VPS13D: variants seen among roughly 807,000 people sequenced by gnomAD.
The protein encoded by VPS13D is intermembrane lipid transfer protein VPS13D.
VPS13D carries 187 observed loss-of-function variants against 461.9 expected under a neutral mutation model. The observed-to-expected ratio is 0.40, with a 90% CI of 0.36 to 0.46. The LOEUF (loss-of-function observed/expected upper bound fraction) is 0.46. Among genes scored for constraint, VPS13D ranks in the 20% least tolerant of loss-of-function variants. The probability of loss-of-function intolerance (pLI) is 0.60; values close to 1 mark genes in which losing one functional copy is unlikely to be tolerated. For synonymous variants in VPS13D, 1,951 were observed against 1,986.3 expected (o/e 0.98, Z 0.47); for missense variants, 4,711 against 5,364.9 (o/e 0.88, Z 3.81).
At chr1:12,314,451 T>A in intron 30 of VPS13D, 124 bp downstream of exon 30, 1 of 919,160 alleles carries the variant, frequency 1.1e-6, no homozygotes, top group Non-Finnish European at 1.7e-6. Flanking sequence ...GATAATGGCT[T>A]AATCAGTGCA....
In VPS13D at chr1:12,342,943, G is replaced by A. The variant is rs770461041; in HGVS notation, c.8777G>A (p.Gly2926Glu). 2.5e-6 allele frequency: 4 copies of A among 1,613,532 alleles called. No homozygotes were observed. The Admixed American group carries it at 6.7e-5, about 27-fold the overall frequency. Residue 2926 changes from glycine (G) to glutamate (E), a missense_variant, in exon 42 of 70, where the codon GGG (glycine) becomes GAG (glutamate). Physicochemically the swap from Gly to Glu is moderately conservative, Grantham distance 98 (BLOSUM62 -2). Transcript: ENST00000620676. ...GGGAGTCCAGGGGTAGTTCCAGAAG[G>A]GAACGGAACATTTCTCGATGATACT... The part of the protein sequence containing the change: ...HSGSPGVVPE[G>E]NGTFLDDTHN...
intron 13 of VPS13D, among the ~76,000 whole-genome samples, chr1:12,263,793 GA>G (rs1641186819): frequency 6.6e-6 from 1 of 152,180 alleles, no homozygotes; most frequent in African/African-American, 2.4e-5. Context: ...GAACTGAATT[GA>G]AAAGGCACTA....
intron 67 of VPS13D, among the ~76,000 whole-genome samples, chr1:12,471,471 C>A (rs1645561810): frequency 6.6e-6 from 1 of 152,218 alleles, no homozygotes; most frequent in Non-Finnish European, 1.5e-5. Flanking sequence ...TCCTGCCCTA[C>A]CTTTCCCTGA....
intron 63 of VPS13D, among the ~76,000 whole-genome samples, chr1:12,404,183 C>T (rs1440971976): frequency 2.9e-5 from 4 of 138,474 alleles, no homozygotes; most frequent in East Asian, 2.1e-4. Flanking sequence ...AAAAAAAAAA[C>T]GAAACTTAAA....
chr1:12,369,534 C>T lies in VPS13D; in HGVS notation c.10640C>T (p.Thr3547Ile), dbSNP rs375936831. The change falls in exon 54 of 70, where the codon ACT becomes ATT. Residue 3547 changes from threonine to isoleucine, a missense_variant. By Grantham distance (89) the Thr-to-Ile change is moderately conservative (BLOSUM62 -1). Transcript: ENST00000620676. ...CTCCGGACTGAAGTGAAGCCCATGACTTCATTGGATTATGCCTGGGACGAA... is the reference window on the plus strand; with the variant it reads ...CTCCGGACTGAAGTGAAGCCCATGATTTCATTGGATTATGCCTGGGACGAA... ...PRLRTEVKPMTSLDYAWDEPT... is the reference protein window; with the variant it reads ...PRLRTEVKPMISLDYAWDEPT... 1.9e-6 allele frequency: 3 copies of T among 1,614,064 alleles called. No individual in the cohort carries two copies. The highest frequency in any genetic ancestry group is 2.7e-5 in the African/African-American group (2 of 74,924).
intron 67 of VPS13D, among the ~76,000 whole-genome samples, chr1:12,469,706 T>C (rs1645538680): frequency 6.6e-6 from 1 of 152,228 alleles, no homozygotes; most frequent in Non-Finnish European, 1.5e-5. Flanking sequence ...CTCCTGACTT[T>C]TACTGGGTTT....
chr1:12,235,852 G>A (rs150732908), intron 2 of VPS13D, among the ~76,000 whole-genome samples: 3,099 of 152,302 alleles, frequency 0.02, 150 homozygotes, highest in Admixed American at 0.11. Flanking sequence ...CCACTGTGAA[G>A]CTAACTACGT....
chr1:12,355,920 C>A lies in VPS13D; in HGVS notation c.9701C>A (p.Pro3234His), dbSNP rs267597963. ...IELGVSLENF[P>H]LCKELLIPPG... Reference sequence around the variant, plus strand: ...TTAGGGGTATCACTGGAGAATTTCCCCCTCTGTAAAGAATTGCTCATTCCA... The same window carrying A: ...TTAGGGGTATCACTGGAGAATTTCCACCTCTGTAAAGAATTGCTCATTCCA... Residue 3234 changes from proline to histidine, a missense_variant, in exon 48 of 70, where the codon CCC becomes CAC. By Grantham distance (77) the Pro-to-His change is moderately conservative (BLOSUM62 -2). Transcript: ENST00000620676. 1.9e-6 allele frequency: 3 copies of A among 1,590,170 alleles called. No homozygotes were observed. The Admixed American group carries it at 5.2e-5, about 27-fold the overall frequency.
intron 53 of VPS13D, 123 bp downstream of exon 53, chr1:12,368,714 G>C: frequency 8.4e-7 from 1 of 1,183,712 alleles, no homozygotes; most frequent in Non-Finnish European, 1.1e-6. Context: ...TATATGGATA[G>C]GTTCTTTATA....
intron 2 of VPS13D, among the ~76,000 whole-genome samples, chr1:12,239,692 C>T (rs1640282455): frequency 6.6e-6 from 1 of 152,160 alleles, no homozygotes; most frequent in African/African-American, 2.4e-5. Flanking sequence ...TAGGTTGACT[C>T]TTTAAATAAC....
intron 60 of VPS13D, among the ~76,000 whole-genome samples, chr1:12,393,586 G>A (rs1367665519): frequency 6.6e-6 from 1 of 152,118 alleles, no homozygotes; most frequent in Non-Finnish European, 1.5e-5. Context: ...CTTCTGCACG[G>A]GCCAAATGGA....
intron 18 of VPS13D, among the ~76,000 whole-genome samples, chr1:12,274,102 G>A (rs113669519): frequency 0.016 from 2,385 of 152,048 alleles, 65 homozygotes; most frequent in African/African-American, 0.054. Context: ...GTGTGGTGGC[G>A]CCATCTCAGG....
At chr1:12,368,673 A>G in intron 53 of VPS13D, 82 bp downstream of exon 53, 1 of 1,439,250 alleles carries the variant, frequency 6.9e-7, no homozygotes, top group Non-Finnish European at 9.2e-7. Context: ...ACAATGGTAC[A>G]ATACATTTTC....
chr1:12,461,763 G>C (rs1645415764), intron 67 of VPS13D, among the ~76,000 whole-genome samples: 1 of 152,154 alleles, frequency 6.6e-6, no homozygotes, highest in Non-Finnish European at 1.5e-5. Context: ...GATTAAAAAG[G>C]GTTCAAGGTA....
intron 46 of VPS13D, among the ~76,000 whole-genome samples, chr1:12,350,095 A>AG (rs769532245): frequency 2.4e-4 from 36 of 152,322 alleles, no homozygotes; most frequent in Admixed American, 4.6e-4. Flanking sequence ...TCAAATACAT[A>AG]GCTGGAGTTG....
At position 12,381,917 on chromosome 1, in the gene VPS13D, TTTTCTTTTC is replaced by T. The variant is rs1431114898; in HGVS notation, c.11191-1051_11191-1043del. ...GTCTGTCTTTTTTTCTTTTTCTTTCTTTTCTTTTCTTTCTTTCTTTCTTTCTTTCTTTCT... is the reference window on the plus strand; with the variant it reads ...GTCTGTCTTTTTTTCTTTTTCTTTCTTTTCTTTCTTTCTTTCTTTCTTTCT... On this transcript the variant is annotated intron_variant, in intron 57 of 69. Coordinates refer to ENST00000620676, the MANE Select transcript of VPS13D (RefSeq NM_015378.4). 1.5e-4 allele frequency among the ~76,000 whole-genome samples: 14 copies of T among 93,890 alleles called. 1 individual carries two copies. Among genetic ancestry groups the T allele is most frequent in the East Asian group, 1.3e-3 (6 of 4,546 alleles). The allele number at this position is 93,890 out of a possible 152,430, so 61.6% of individuals were successfully genotyped here.
intron 26 of VPS13D, among the ~76,000 whole-genome samples, chr1:12,307,623 A>G (rs1337969427): frequency 6.6e-6 from 1 of 151,980 alleles, no homozygotes; most frequent in Admixed American, 6.5e-5. Flanking sequence ...CCTCCTGAGT[A>G]GCTTGGATTT....
chr1:12,338,452 G>A (rs930239798), intron 40 of VPS13D, 147 bp downstream of exon 40: 2 of 667,684 alleles, frequency 3.0e-6, no homozygotes, highest in African/African-American at 3.6e-5. Flanking sequence ...ATTTCCAACT[G>A]ATGAACAGAG....
chr1:12,497,698 A>G (rs1433613638), intron 68 of VPS13D, 67 bp downstream of exon 68: 11 of 1,541,288 alleles, frequency 7.1e-6, no homozygotes, highest in Non-Finnish European at 9.6e-6. Context: ...GATCCTGAGA[A>G]GTCTCCATCT....
Sources: allele counts gnomAD v4.1 joint callset (sites outside exome capture counted in the v4.1 genomes callset), GRCh38; gene constraint gnomAD v4.1.1; transcripts MANE v1.5; gene names NCBI Gene and HGNC (gene_info 2026-07-23, HGNC 2026-07-21).